CBFA2T2: variants seen among roughly 807,000 people sequenced by gnomAD.
CBFA2T2 encodes the protein protein CBFA2T2.
A neutral mutation model predicts 62.2 loss-of-function variants in CBFA2T2; 11 were observed. The ratio of observed to expected loss-of-function variants is 0.18; its 90% CI spans 0.11 to 0.29. The LOEUF (loss-of-function observed/expected upper bound fraction) is 0.29, where lower values mean the gene tolerates loss of function less well. Ranked by LOEUF, CBFA2T2 falls within the 10% of genes least tolerant of loss-of-function variation. CBFA2T2 has a pLI of 1.00. For missense variants in CBFA2T2, 592 were observed against 774.1 expected, an observed-to-expected ratio of 0.76 and a Z score of 2.79; for synonymous variants, 295 against 287.5, an observed-to-expected ratio of 1.03 and a Z score of -0.27.
intron 1 of CBFA2T2, among the ~76,000 whole-genome samples, chr20:33,560,554 T>C (rs1198975858): frequency 6.6e-6 from 1 of 152,204 alleles, no homozygotes; most frequent in Non-Finnish European, 1.5e-5. Flanking sequence ...GGTGTTACTA[T>C]TATTACCACC....
At chr20:33,532,018 C>T (rs368299212) in intron 1 of CBFA2T2, among the ~76,000 whole-genome samples, 11 of 152,228 alleles carry the variant, frequency 7.2e-5, no homozygotes, top group African/African-American at 2.6e-4. Context: ...ATGTAGTGAC[C>T]TCCCATGAAC....
rs139084452 is a variant in CBFA2T2 at position 33,597,507 on chromosome 20, C to T, written c.35-9449C>T. ...AGCAAGTGGTGAGCCAGTGCATTAC[C>T]GCCTGACCTCTGCCTCCTGCCAGAT... On this transcript the variant is annotated intron_variant, in intron 1 of 10. Transcript: ENST00000342704. Among the ~76,000 whole-genome samples the T allele has an allele frequency of 1.9e-3, 296 of 152,272 alleles. 2 individuals carry two copies. The highest frequency in any genetic ancestry group is 6.9e-3 in the African/African-American group (285 of 41,552).
intron 1 of CBFA2T2, among the ~76,000 whole-genome samples, chr20:33,594,856 G>A (rs553955323): frequency 6.6e-6 from 1 of 152,306 alleles, no homozygotes; most frequent in African/African-American, 2.4e-5. Context: ...TCCATACAAA[G>A]GCAAGATGCT....
chr20:33,587,251 T>A (rs899923633), intron 1 of CBFA2T2, among the ~76,000 whole-genome samples: 1 of 140,040 alleles, frequency 7.1e-6, no homozygotes, highest in Non-Finnish European at 1.6e-5. Context: ...GGTTTGTTTT[T>A]TATTTTTTTG....
intron 10 of CBFA2T2, among the ~76,000 whole-genome samples, chr20:33,641,086 G>A (rs1282203898): frequency 6.6e-6 from 1 of 151,910 alleles, no homozygotes; most frequent in Admixed American, 6.6e-5. Flanking sequence ...AGGCTGGAGT[G>A]CAGTGGTGCA....
rs143685251 is a variant in CBFA2T2, at chr20:33,611,440, A to G, written c.420+105A>G. The G allele has an allele frequency of 7.5e-6, 10 of 1,328,540 alleles. No homozygotes were observed. The East Asian group carries it at 2.1e-4, about 28-fold the overall frequency. 82.3% of individuals were successfully genotyped at this position (1,328,540 alleles called of 1,614,324 possible). A position where few individuals can be genotyped will look rare whatever the true frequency, so the allele number is the denominator to read the frequency against. ...TGCTCATTTTCAAACCCATGGTCAT[A>G]TGGCAAATGCTACAGACTAGACTAG... On this transcript the variant is annotated intron_variant, in intron 3 of 10. Transcript: ENST00000342704.
intron 1 of CBFA2T2, among the ~76,000 whole-genome samples, chr20:33,584,437 A>C (rs150300233): frequency 2.0e-5 from 3 of 151,462 alleles, no homozygotes; most frequent in Admixed American, 2.0e-4. Flanking sequence ...TGGTATTTTT[A>C]GTAGAGACGG....
intron 1 of CBFA2T2, among the ~76,000 whole-genome samples, chr20:33,583,164 G>C (rs1303913878): frequency 6.6e-6 from 1 of 152,126 alleles, no homozygotes; most frequent in African/African-American, 2.4e-5. Context: ...CCCAGAATGT[G>C]CATTGTTTTT....
chr20:33,615,273 C>T (rs1237798466), intron 3 of CBFA2T2, among the ~76,000 whole-genome samples: 1 of 152,170 alleles, frequency 6.6e-6, no homozygotes, highest in East Asian at 1.9e-4. Context: ...TACCAGAAAG[C>T]AAGCATGGGC....
chr20:33,580,819 A>C (rs1487233174), intron 1 of CBFA2T2, among the ~76,000 whole-genome samples: 3 of 152,190 alleles, frequency 2.0e-5, no homozygotes, highest in African/African-American at 7.2e-5. Flanking sequence ...ACACCACTGT[A>C]TTCCAGCCTG....
At chr20:33,633,556 A>G (rs1240415388) in intron 8 of CBFA2T2, among the ~76,000 whole-genome samples, 3 of 152,212 alleles carry the variant, frequency 2.0e-5, no homozygotes, top group Non-Finnish European at 4.4e-5. Flanking sequence ...CTGAAAATTT[A>G]TGATTCACAA....
intron 1 of CBFA2T2, among the ~76,000 whole-genome samples, chr20:33,500,878 A>G (rs778101261): frequency 5.9e-5 from 9 of 152,206 alleles, no homozygotes; most frequent in Non-Finnish European, 1.0e-4. Flanking sequence ...AATTCATCCC[A>G]TATGTTTCCT....
chr20:33,599,047 G>T (rs1038079402), intron 1 of CBFA2T2, among the ~76,000 whole-genome samples: 1 of 151,974 alleles, frequency 6.6e-6, no homozygotes, highest in Non-Finnish European at 1.5e-5. Context: ...GATTGCCTGA[G>T]CTCAGGAGTT....
At position 33,624,847 on chromosome 20, in the gene CBFA2T2, G is replaced by A. The variant is rs1160514157; in HGVS notation, c.776G>A (p.Arg259Gln). ...GTATGTACCATCAGCCCTGCTCCTC[G>A]GCACAGTCCTGCTCTCACTGTGCCC... is the stretch of plus-strand genomic sequence containing the variant. ...KRVCTISPAPRHSPALTVPLM... is the reference protein window; with the variant it reads ...KRVCTISPAPQHSPALTVPLM... The change falls in exon 6 of 11, where the codon CGG becomes CAG. Residue 259 changes from arginine to glutamine, a missense_variant. By Grantham distance (43) the Arg-to-Gln change is conservative (BLOSUM62 1). Transcript: ENST00000342704. 1.6e-5 allele frequency: 26 copies of A among 1,613,910 alleles called. No homozygotes were observed. Among genetic ancestry groups the A allele is most frequent in the Non-Finnish European group, 1.8e-5 (21 of 1,180,000 alleles).
chr20:33,641,151 G>C (rs1169556124), intron 10 of CBFA2T2, among the ~76,000 whole-genome samples: 1 of 152,024 alleles, frequency 6.6e-6, no homozygotes, highest in African/African-American at 2.4e-5. Flanking sequence ...TCCTGCCTCA[G>C]CCTCCCGAGC....
intron 1 of CBFA2T2, among the ~76,000 whole-genome samples, chr20:33,515,374 G>A: frequency 7.4e-6 from 1 of 135,242 alleles, no homozygotes; most frequent in Admixed American, 7.5e-5. Flanking sequence ...AAAAAAAAGT[G>A]TGGCACTGCA....
At chr20:33,504,182 A>G (rs895346233) in intron 1 of CBFA2T2, among the ~76,000 whole-genome samples, 1 of 152,118 alleles carries the variant, frequency 6.6e-6, no homozygotes, top group African/African-American at 2.4e-5. Context: ...TTTGAGATTC[A>G]TCCACGTTGT....
At chr20:33,554,199 T>G (rs765424825) in intron 1 of CBFA2T2, among the ~76,000 whole-genome samples, 2 of 152,072 alleles carry the variant, frequency 1.3e-5, no homozygotes, top group Admixed American at 6.6e-5. Flanking sequence ...TAAGGAGTTA[T>G]TACAATGAAA....
chr20:33,607,520 A>C (rs550166710), intron 2 of CBFA2T2, among the ~76,000 whole-genome samples: 1 of 152,348 alleles, frequency 6.6e-6, no homozygotes, highest in African/African-American at 2.4e-5. Context: ...CCATAATGAA[A>C]TACCACAGAC....
Sources: allele counts gnomAD v4.1 joint callset (sites outside exome capture counted in the v4.1 genomes callset), GRCh38; gene constraint gnomAD v4.1.1; transcripts MANE v1.5; gene names NCBI Gene and HGNC (gene_info 2026-07-23, HGNC 2026-07-21).